The following TRPC4 variants were observed in gnomAD, a reference collection of about 807,000 sequenced individuals.
TRPC4 encodes short transient receptor potential channel 4.
A neutral mutation model predicts 99.4 loss-of-function variants in TRPC4; 49 were observed. That is an observed-to-expected ratio of 0.49 (90% CI 0.39 to 0.63). The LOEUF (loss-of-function observed/expected upper bound fraction) is 0.63. Among genes scored for constraint, TRPC4 ranks in the 20% least tolerant of loss-of-function variants. The pLI, the probability that TRPC4 is intolerant of heterozygous loss-of-function variation, is 0.00. For synonymous variants in TRPC4, 454 were observed against 425.9 expected, an observed-to-expected ratio of 1.07 and a Z score of -0.81; for missense variants, 898 against 1,152.9, an observed-to-expected ratio of 0.78 and a Z score of 3.20.
rs1019372320 is a variant in TRPC4, at chr13:37,674,637, A to C, written c.1235-270T>G. On this transcript the variant is annotated intron_variant, in intron 4 of 10. Transcript: ENST00000379705. ...CATAAGGATAAGTAGTTTTTAAATT[A>C]TACTGTAGCTCCTTTATAACTATAT... Among the ~76,000 whole-genome samples, 104 of 152,332 alleles carry C rather than the reference A, an allele frequency of 6.8e-4. 1 individual carries two copies. Among genetic ancestry groups the C allele is most frequent in the African/African-American group, 2.4e-3 (100 of 41,576 alleles).
At chr13:37,797,048 C>T (rs919895997) in intron 1 of TRPC4, among the ~76,000 whole-genome samples, 10 of 145,526 alleles carry the variant, frequency 6.9e-5, no homozygotes, top group Non-Finnish European at 1.0e-4. Context: ...GGCATGGTGG[C>T]TCACGCTTGT....
Position 37,656,460 on chromosome 13 carries a change from C to G in TRPC4, c.1689-1177G>C, listed in dbSNP as rs181641546. Among the ~76,000 whole-genome samples the G allele has an allele frequency of 5.3e-5, 8 of 152,212 alleles. No individual in the cohort carries two copies. In the East Asian group the frequency reaches 1.4e-3, roughly 26 times the overall value. Reference sequence around the variant, plus strand: ...ACTCCCAGCCCCAGTGGCATTGTCCCCTGTATGCCCTTTTATGGAAAGGTA... The same window carrying G: ...ACTCCCAGCCCCAGTGGCATTGTCCGCTGTATGCCCTTTTATGGAAAGGTA... On this transcript the variant is annotated intron_variant, in intron 6 of 10. Coordinates refer to ENST00000379705, the MANE Select transcript of TRPC4 (RefSeq NM_016179.4).
chr13:37,862,971 T>C (rs1959483609), intron 1 of TRPC4, among the ~76,000 whole-genome samples: 1 of 151,546 alleles, frequency 6.6e-6, no homozygotes, highest in South Asian at 2.1e-4. Flanking sequence ...TTTTCTATGT[T>C]TAAATACACA....
At chr13:37,783,492 T>G (rs7339215) in intron 1 of TRPC4, 132 bp from the exon 2 acceptor site, 275,187 of 520,534 alleles carry the variant, frequency 0.53, 66,172 homozygotes, top group East Asian at 0.67. Flanking sequence ...AGAGTTAAGG[T>G]TTTTTTTTTT....
chr13:37,797,935 A>G (rs2139418408), intron 1 of TRPC4, among the ~76,000 whole-genome samples: 1 of 152,312 alleles, frequency 6.6e-6, no homozygotes, highest in Non-Finnish European at 1.5e-5. Context: ...AAGCTGCATT[A>G]TGACTCTTAA....
At chr13:37,707,893 G>A (rs1237985316) in intron 3 of TRPC4, among the ~76,000 whole-genome samples, 1 of 152,098 alleles carries the variant, frequency 6.6e-6, no homozygotes, top group Non-Finnish European at 1.5e-5. Flanking sequence ...AAAAGACAGT[G>A]AAAGCCAGAG....
chr13:37,693,636 G>T (rs1953806033), intron 3 of TRPC4, among the ~76,000 whole-genome samples: 1 of 152,142 alleles, frequency 6.6e-6, no homozygotes, highest in African/African-American at 2.4e-5. Context: ...TATGCAGAAA[G>T]GATGCTGTGT....
At chr13:37,731,532 G>T (rs1237932429) in intron 3 of TRPC4, among the ~76,000 whole-genome samples, 1 of 151,902 alleles carries the variant, frequency 6.6e-6, no homozygotes, top group African/African-American at 2.4e-5. Context: ...AAATTAAAAT[G>T]CTTCAATACA....
intron 3 of TRPC4, among the ~76,000 whole-genome samples, chr13:37,714,144 CT>C (rs796216112): frequency 1.3e-5 from 2 of 148,904 alleles, no homozygotes; most frequent in Admixed American, 6.8e-5. Flanking sequence ...TTTTCTCTCT[CT>C]TTTTTTTGTC....
intron 6 of TRPC4, among the ~76,000 whole-genome samples, chr13:37,658,340 A>C (rs1952313073): frequency 6.6e-6 from 1 of 152,166 alleles, no homozygotes; most frequent in African/African-American, 2.4e-5. Flanking sequence ...TCTTGCTTTG[A>C]ATATATTGCT....
Position 37,663,578 on chromosome 13 carries a change from AG to A in TRPC4, c.1525del (p.Leu509TrpfsTer9). 1 of 1,614,212 alleles carries A rather than the reference AG, an allele frequency of 6.2e-7. No individual in the cohort carries two copies. Among genetic ancestry groups the A allele is most frequent in the Non-Finnish European group, 8.5e-7 (1 of 1,180,024 alleles). ...NSHLGPLQIS[L>X]GRMLLDILKF... is the part of the protein sequence containing the mutation. ...CAAAATGTCCAGGAGCATTCTTCCC[AG>A]AGATATTTGCAGAGGTCCCAGGTGA... On this transcript the variant is annotated frameshift_variant, in exon 6 of 11. Coordinates refer to ENST00000379705, the MANE Select transcript of TRPC4 (RefSeq NM_016179.4). LOFTEE classifies it high-confidence loss of function.
chr13:37,723,196 A>G (rs1478646093), intron 3 of TRPC4, among the ~76,000 whole-genome samples: 1 of 152,196 alleles, frequency 6.6e-6, no homozygotes, highest in African/African-American at 2.4e-5. Context: ...GATATTTTAA[A>G]ATAACAAAAG....
At position 37,692,226 on chromosome 13, in the gene TRPC4, A is replaced by G. The variant is rs760512871; in HGVS notation, c.1007T>C (p.Ile336Thr). Residue 336 changes from isoleucine to threonine, a missense_variant, in exon 4 of 11, where the codon ATA becomes ACA. This residue lies in a region of TRPC4 where 274 missense variants were observed against 454.9 expected (regional missense o/e 0.60). Coordinates refer to ENST00000379705, the MANE Select transcript of TRPC4 (RefSeq NM_016179.4). ...WAVKMVTCFIIGLLFPVFSVC... is the reference protein window; with the variant it reads ...WAVKMVTCFITGLLFPVFSVC... ...AGAGAAGACAGGAAAAAGAAGTCCT[A>G]TTATGAAACATGTCACCATCTTCAC... is the stretch of plus-strand genomic sequence containing the variant. 10 of 1,614,152 alleles carry G rather than the reference A, an allele frequency of 6.2e-6. No homozygotes were observed. In the South Asian group the frequency reaches 1.1e-4, roughly 18 times the overall value.
chr13:37,638,658 C>CT (rs1951609819), intron 10 of TRPC4, among the ~76,000 whole-genome samples: 1 of 152,118 alleles, frequency 6.6e-6, no homozygotes, highest in South Asian at 2.1e-4. Flanking sequence ...CAATTAAATG[C>CT]AAACCTTAAA....
intron 3 of TRPC4, among the ~76,000 whole-genome samples, chr13:37,701,496 C>T (rs1224297308): frequency 1.3e-5 from 2 of 151,986 alleles, no homozygotes; most frequent in African/African-American, 4.8e-5. Context: ...TGTATCATTT[C>T]CTCTCCGTCA....
chr13:37,639,237 CAT>C lies in TRPC4; in HGVS notation c.2121+19_2121+20del. 6.2e-7 allele frequency: 1 copy of C among 1,613,486 alleles called. No homozygotes were observed. The highest frequency in any genetic ancestry group is 8.5e-7 in the Non-Finnish European group (1 of 1,179,598). On this transcript the variant is annotated intron_variant, in intron 9 of 10. Coordinates refer to ENST00000379705, the MANE Select transcript of TRPC4 (RefSeq NM_016179.4). ...TTTTATTTTAGTGAAAATTTCAAGACATAGTACAAGGACAACTTACTTGGTAT... is the reference window on the plus strand; with the variant it reads ...TTTTATTTTAGTGAAAATTTCAAGACAGTACAAGGACAACTTACTTGGTAT...
At chr13:37,692,510 ATATT>A (rs1953750727) in intron 3 of TRPC4, among the ~76,000 whole-genome samples, 175 bp from the exon 4 acceptor site, 1 of 152,258 alleles carries the variant, frequency 6.6e-6, no homozygotes, top group Non-Finnish European at 1.5e-5. Flanking sequence ...AATGTATTGA[ATATT>A]TATTCTACCC....
At chr13:37,842,256 C>A (rs1429781316) in intron 1 of TRPC4, among the ~76,000 whole-genome samples, 1 of 116,302 alleles carries the variant, frequency 8.6e-6, no homozygotes, top group African/African-American at 3.3e-5. Context: ...GGCAACAGAG[C>A]AAGACTCAAT....
intron 2 of TRPC4, among the ~76,000 whole-genome samples, chr13:37,758,153 G>T (rs1339494856): frequency 1.3e-5 from 2 of 151,764 alleles, no homozygotes; most frequent in Non-Finnish European, 2.9e-5. Flanking sequence ...TTTTAAATGA[G>T]TAATAAACAA....
Sources: allele counts gnomAD v4.1 joint callset (sites outside exome capture counted in the v4.1 genomes callset), GRCh38; gene constraint gnomAD v4.1.1; regional missense constraint gnomAD v4.1.1; transcripts MANE v1.5; gene names NCBI Gene and HGNC (gene_info 2026-07-23, HGNC 2026-07-21).